The following CCDC171 variants were observed in gnomAD, a reference collection of about 807,000 sequenced individuals.
CCDC171 encodes the protein coiled-coil domain containing 171, also known as coiled-coil domain-containing protein 171.
CCDC171 carries 177 observed loss-of-function variants against 168.2 expected under a neutral mutation model. The ratio of observed to expected loss-of-function variants is 1.05; its 90% CI spans 0.93 to 1.19. The LOEUF (loss-of-function observed/expected upper bound fraction) is 1.19, where lower values mean the gene tolerates loss of function less well. Among genes scored for constraint, CCDC171 ranks in the 50% most tolerant of loss-of-function variants. CCDC171 has a pLI of 0.00. For synonymous variants in CCDC171, 687 were observed against 540.8 expected (o/e 1.27, Z -3.75); for missense variants, 1,991 against 1,539.0 (o/e 1.29, Z -4.91).
chr9:15,835,519 C>T (rs1301073341), intron 21 of CCDC171, among the ~76,000 whole-genome samples: 2 of 152,090 alleles, frequency 1.3e-5, no homozygotes, highest in Non-Finnish European at 2.9e-5. Context: ...CCTCTGCCTC[C>T]CTGGTTTAAG....
chr9:16,092,308 T>A, the CCDC171 span, among the ~76,000 whole-genome samples: 1 of 152,188 alleles, frequency 6.6e-6, no homozygotes, highest in South Asian at 2.1e-4. Context: ...TTGCAATCAC[T>A]TGGGAAGCTT....
chr9:16,069,404 G>A, the CCDC171 span, among the ~76,000 whole-genome samples: 2 of 152,208 alleles, frequency 1.3e-5, no homozygotes, highest in Non-Finnish European at 2.9e-5. Context: ...AGAGTCCAGC[G>A]GTGTGCATGT....
At chr9:16,066,179 T>A (rs548215397), downstream of CCDC171, among the ~76,000 whole-genome samples, 2 of 152,322 alleles carry the variant, frequency 1.3e-5, no homozygotes, top group Admixed American at 1.3e-4. Flanking sequence ...TCTCGGTCAC[T>A]CTTCCTTGTT....
chr9:16,045,526 C>T (rs1040778397), intron 1 of CCDC171, among the ~76,000 whole-genome samples: 1 of 152,136 alleles, frequency 6.6e-6, no homozygotes, highest in African/African-American at 2.4e-5. Context: ...CAGACATTGC[C>T]TAGTACTCCC....
chr9:16,088,025 C>T, the CCDC171 span, among the ~76,000 whole-genome samples: 10 of 152,232 alleles, frequency 6.6e-5, no homozygotes, highest in African/African-American at 9.6e-5. Context: ...TTATCCACCA[C>T]GATCAACTTG....
At chr9:16,072,946 A>T in the CCDC171 span, among the ~76,000 whole-genome samples, 5 of 152,246 alleles carry the variant, frequency 3.3e-5, no homozygotes, top group Admixed American at 2.6e-4. Context: ...GAATAAATTA[A>T]TTAGTGGACA....
the CCDC171 span, among the ~76,000 whole-genome samples, chr9:16,088,854 A>C: frequency 6.6e-6 from 1 of 152,144 alleles, no homozygotes; most frequent in African/African-American, 2.4e-5. Flanking sequence ...GAATTAGAAT[A>C]AACTATTTTA....
chr9:15,636,138 G>T (rs1309881952), intron 7 of CCDC171, among the ~76,000 whole-genome samples: 2 of 151,784 alleles, frequency 1.3e-5, no homozygotes, highest in Non-Finnish European at 2.9e-5. Flanking sequence ...TTTTAAAAAT[G>T]GATTATTTGT....
At chr9:15,632,678 G>T (rs977336324) in intron 7 of CCDC171, among the ~76,000 whole-genome samples, 1 of 151,930 alleles carries the variant, frequency 6.6e-6, no homozygotes, top group Non-Finnish European at 1.5e-5. Context: ...CTACTTTAAA[G>T]TTCATATGGA....
intron 6 of CCDC171, among the ~76,000 whole-genome samples, chr9:15,619,966 A>C (rs1290050450): frequency 6.6e-6 from 1 of 152,214 alleles, no homozygotes; most frequent in Non-Finnish European, 1.5e-5. Flanking sequence ...AGCCCAGATG[A>C]CAGCTCATCT....
chr9:15,792,826 C>A (rs890302059), intron 21 of CCDC171, among the ~76,000 whole-genome samples: 1 of 152,048 alleles, frequency 6.6e-6, no homozygotes, highest in Non-Finnish European at 1.5e-5. Flanking sequence ...GAAGGAAGCA[C>A]TAAACATGGA....
intron 21 of CCDC171, among the ~76,000 whole-genome samples, chr9:15,811,265 C>A (rs2135962684): frequency 6.6e-6 from 1 of 152,316 alleles, no homozygotes; most frequent in Middle Eastern, 3.4e-3. Context: ...TCTCTAACAA[C>A]CCTTATGTCA....
downstream of CCDC171, among the ~76,000 whole-genome samples, chr9:16,065,416 C>G (rs1199643297): frequency 6.6e-6 from 1 of 152,162 alleles, no homozygotes; most frequent in African/African-American, 2.4e-5. Context: ...TGCCAGAGAA[C>G]TGAGCTCTCT....
intron 23 of CCDC171, among the ~76,000 whole-genome samples, chr9:15,857,084 A>G (rs977847151): frequency 2.0e-5 from 3 of 152,018 alleles, no homozygotes; most frequent in Non-Finnish European, 4.4e-5. Flanking sequence ...ATTAAGTTGT[A>G]TAGAGTTTAG....
chr9:15,894,365 C>A (rs1820618625), intron 24 of CCDC171, among the ~76,000 whole-genome samples: 1 of 152,024 alleles, frequency 6.6e-6, no homozygotes, highest in African/African-American at 2.4e-5. Context: ...GCGCAGCAAA[C>A]CACCATGGCA....
intron 10 of CCDC171, among the ~76,000 whole-genome samples, chr9:15,684,341 T>TA (rs1283558812): frequency 6.6e-6 from 1 of 152,026 alleles, no homozygotes; most frequent in South Asian, 2.1e-4. Flanking sequence ...CTTATTTCAT[T>TA]AAAAAAACCC....
intron 3 of CCDC171, among the ~76,000 whole-genome samples, chr9:15,574,157 T>C (rs1167920734): frequency 6.6e-6 from 1 of 151,948 alleles, no homozygotes; most frequent in Non-Finnish European, 1.5e-5. Flanking sequence ...CTTTTTTTTT[T>C]TGAGACAGAG....
At chr9:16,045,632 A>T (rs1474001098) in intron 1 of CCDC171, among the ~76,000 whole-genome samples, 1 of 152,210 alleles carries the variant, frequency 6.6e-6, no homozygotes, top group Non-Finnish European at 1.5e-5. Context: ...GGTAAAGGCC[A>T]TGGTGAGCCC....
chr9:16,086,274 G>A, the CCDC171 span, among the ~76,000 whole-genome samples: 3 of 150,966 alleles, frequency 2.0e-5, no homozygotes, highest in African/African-American at 7.3e-5. Flanking sequence ...ATACTAGTTT[G>A]TATTTCTATG....
Sources: allele counts gnomAD v4.1 joint callset (sites outside exome capture counted in the v4.1 genomes callset), GRCh38; gene constraint gnomAD v4.1.1; transcripts MANE v1.5; gene names NCBI Gene and HGNC (gene_info 2026-07-23, HGNC 2026-07-21).